Variants in SLC9A2 observed in about 807,000 individuals in gnomAD.
The protein encoded by SLC9A2 is sodium/hydrogen exchanger 2.
A neutral mutation model predicts 71.7 loss-of-function variants in SLC9A2; 42 were observed. The ratio of observed to expected loss-of-function variants is 0.59; its 90% CI spans 0.46 to 0.76. The LOEUF (loss-of-function observed/expected upper bound fraction) is 0.76, where lower values mean the gene tolerates loss of function less well. SLC9A2 is among the 30% of genes least tolerant of loss of function. SLC9A2 has a pLI of 0.00. For synonymous variants in SLC9A2, 396 were observed against 392.5 expected, an observed-to-expected ratio of 1.01 and a Z score of -0.10; for missense variants, 829 against 1,017.4, an observed-to-expected ratio of 0.81 and a Z score of 2.52.
intron 8 of SLC9A2, among the ~76,000 whole-genome samples, chr2:102,701,813 C>T (rs1677879588): frequency 6.6e-6 from 1 of 152,328 alleles, no homozygotes; most frequent in Admixed American, 6.5e-5. Flanking sequence ...TGTTCAACAT[C>T]TTCAGGGAAA....
intron 1 of SLC9A2, among the ~76,000 whole-genome samples, chr2:102,624,690 G>C (rs1676211125): frequency 6.6e-6 from 1 of 152,104 alleles, no homozygotes. Flanking sequence ...AAGTGTCACT[G>C]GTCACTCTGC....
intron 2 of SLC9A2, 44 bp from the exon 3 acceptor site, chr2:102,665,056 A>T (rs1471529076): frequency 6.3e-7 from 1 of 1,579,554 alleles, no homozygotes; most frequent in South Asian, 1.2e-5. Flanking sequence ...GACAATGGGG[A>T]AATGGGAAAG....
In SLC9A2 at chr2:102,701,113, C is replaced by T. The variant is rs754636208; in HGVS notation, c.1630C>T (p.Arg544Trp). Residue 544 changes from arginine (R) to tryptophan (W), a missense_variant, in exon 8 of 12, where the codon CGG becomes TGG. This residue lies in a region of SLC9A2 where 500 missense variants were observed against 726.3 expected (regional missense o/e 0.69). Transcript: ENST00000233969. ...DDKYLRKLLI[R>W]ENQPKSSIVS... ...TAAATATCTGCGGAAGCTTTTGATT[C>T]GGGAAAACCAACCAAAGTCAAGTAT... 6.8e-6 allele frequency: 11 copies of T among 1,608,392 alleles called. No homozygotes were observed. The highest frequency in any genetic ancestry group is 6.8e-6 in the Non-Finnish European group (8 of 1,177,976).
At chr2:102,677,351 A>C (rs990599115) in intron 3 of SLC9A2, among the ~76,000 whole-genome samples, 3 of 152,174 alleles carry the variant, frequency 2.0e-5, no homozygotes, top group Non-Finnish European at 4.4e-5. Context: ...ATTGTCCTAC[A>C]CTGTATTTTG....
chr2:102,690,571 A>G (rs1677639807), intron 5 of SLC9A2, among the ~76,000 whole-genome samples: 1 of 152,188 alleles, frequency 6.6e-6, no homozygotes, highest in South Asian at 2.1e-4. Context: ...ATCAGCAAAG[A>G]GAAAGCTGGA....
chr2:102,656,237 C>T (rs188344200), intron 1 of SLC9A2, among the ~76,000 whole-genome samples: 2 of 151,752 alleles, frequency 1.3e-5, no homozygotes, highest in Admixed American at 6.6e-5. Context: ...ACATCTCTCT[C>T]CTCTTTCCCT....
chr2:102,643,351 A>G (rs193249854), intron 1 of SLC9A2, among the ~76,000 whole-genome samples: 1 of 152,306 alleles, frequency 6.6e-6, no homozygotes, highest in East Asian at 1.9e-4. Context: ...CAGCCCATTC[A>G]GACTTTGCTG....
intron 1 of SLC9A2, among the ~76,000 whole-genome samples, chr2:102,651,162 A>G (rs1183977933): frequency 1.3e-5 from 2 of 151,994 alleles, no homozygotes; most frequent in Non-Finnish European, 2.9e-5. Flanking sequence ...CACCACTTTA[A>G]TGGTTGGAAG....
chr2:102,684,265 G>T lies in SLC9A2; in HGVS notation c.1354G>T (p.Ala452Ser), dbSNP rs1204114848. The T allele has an allele frequency of 2.5e-6, 4 of 1,614,042 alleles. No homozygotes were observed. In the African/African-American group the frequency reaches 5.3e-5, roughly 22 times the overall value. Residue 452 changes from alanine (A) to serine (S), a missense_variant, in exon 5 of 12, where the codon GCT becomes TCT. Physicochemically the swap from Ala to Ser is moderately conservative, Grantham distance 99. Coordinates refer to ENST00000233969, the MANE Select transcript of SLC9A2 (RefSeq NM_003048.6). ...TGCGTTAGTGTTTCTCCTTCCTGCT[G>T]CTGTGTTTCCTCGGAAAAAATTGTT... Reference protein sequence around the residue: ...CFALVFLLPAAVFPRKKLFIT... With the variant: ...CFALVFLLPASVFPRKKLFIT...
intron 1 of SLC9A2, among the ~76,000 whole-genome samples, chr2:102,632,148 A>ATATATG (rs1676384401): frequency 9.9e-6 from 1 of 101,130 alleles, no homozygotes; most frequent in African/African-American, 4.2e-5. Flanking sequence ...GTATATATAC[A>ATATATG]TATATACACA....
intron 5 of SLC9A2, among the ~76,000 whole-genome samples, chr2:102,692,709 T>C (rs887309364): frequency 1.3e-5 from 2 of 152,230 alleles, no homozygotes; most frequent in Non-Finnish European, 2.9e-5. Flanking sequence ...TCCAGGTTGA[T>C]TTAAAATCAG....
At chr2:102,696,460 T>A (rs1375777964) in intron 7 of SLC9A2, among the ~76,000 whole-genome samples, 1 of 152,178 alleles carries the variant, frequency 6.6e-6, no homozygotes, top group Non-Finnish European at 1.5e-5. Flanking sequence ...ACAAGGGAAT[T>A]TTTTAGTGTT....
chr2:102,694,603 G>A, intron 6 of SLC9A2, 100 bp downstream of exon 6: 3 of 519,990 alleles, frequency 5.8e-6, no homozygotes, highest in Non-Finnish European at 1.0e-5. Context: ...GAAGAAGAAG[G>A]GAATGGCAGG....
intron 1 of SLC9A2, among the ~76,000 whole-genome samples, chr2:102,656,027 G>A (rs185359771): frequency 3.3e-5 from 5 of 152,210 alleles, no homozygotes; most frequent in Non-Finnish European, 5.9e-5. Context: ...CAGCTATCAC[G>A]TTGGCAACAC....
At chr2:102,655,590 C>T (rs554775064) in intron 1 of SLC9A2, among the ~76,000 whole-genome samples, 130 of 152,320 alleles carry the variant, frequency 8.5e-4, no homozygotes, top group Admixed American at 4.8e-3. Flanking sequence ...TGTCACTAGG[C>T]AACAGGAATT....
intron 3 of SLC9A2, among the ~76,000 whole-genome samples, chr2:102,673,788 C>CTT (rs773324787): frequency 1.5e-4 from 21 of 141,534 alleles, no homozygotes; most frequent in African/African-American, 1.8e-4. Context: ...GAAATAAATA[C>CTT]TTTTTTTTTT....
At chr2:102,632,900 A>G (rs1573398589) in intron 1 of SLC9A2, among the ~76,000 whole-genome samples, 1 of 151,890 alleles carries the variant, frequency 6.6e-6, no homozygotes, top group Admixed American at 6.6e-5. Flanking sequence ...CAGTGAAACA[A>G]CTCCATAGCC....
At chr2:102,665,073 G>T in intron 2 of SLC9A2, 27 bp from the exon 3 acceptor site, 1 of 1,595,256 alleles carries the variant, frequency 6.3e-7, no homozygotes, top group South Asian at 1.1e-5. Flanking sequence ...AAAGGGTCTT[G>T]ACAAGGTGTT....
chr2:102,670,592 C>T (rs139089283), intron 3 of SLC9A2, among the ~76,000 whole-genome samples: 2,039 of 134,290 alleles, frequency 0.015, 50 homozygotes, highest in African/African-American at 0.055. Context: ...ATATCCCCTC[C>T]CCCCACCAAA....
Sources: gnomAD v4.1 joint callset for allele counts (sites outside exome capture counted in the v4.1 genomes callset) on GRCh38, gnomAD v4.1.1 for gene constraint, gnomAD v4.1.1 regional missense constraint, MANE v1.5 for transcripts, NCBI Gene and HGNC (gene_info 2026-07-23, HGNC 2026-07-21) for gene names.